TJP2: variants seen among roughly 807,000 people sequenced by gnomAD.
TJP2 encodes the protein Friedreich ataxia region gene X104 (tight junction protein ZO-2).
TJP2 carries 91 observed loss-of-function variants against 133.1 expected under a neutral mutation model. The ratio of observed to expected loss-of-function variants is 0.68; its 90% CI spans 0.58 to 0.81. The LOEUF (loss-of-function observed/expected upper bound fraction) is 0.81, where lower values mean the gene tolerates loss of function less well. Among genes scored for constraint, TJP2 ranks in the 40% least tolerant of loss-of-function variants. The probability of loss-of-function intolerance (pLI) is 0.00; values close to 1 mark genes in which losing one functional copy is unlikely to be tolerated. For missense variants in TJP2, 1,541 were observed against 1,565.6 expected (o/e 0.98, Z 0.26); for synonymous variants, 592 against 583.4 (o/e 1.01, Z -0.21).
At chr9:69,169,374 G>C (rs1824551774), upstream of TJP2, among the ~76,000 whole-genome samples, 1 of 149,322 alleles carries the variant, frequency 6.7e-6, no homozygotes, top group Non-Finnish European at 1.5e-5. Context: ...TTTTTTGGGG[G>C]GGGGATGGAG....
chr9:69,169,698 C>A (rs571124305), upstream of TJP2, among the ~76,000 whole-genome samples: 5 of 152,132 alleles, frequency 3.3e-5, no homozygotes, highest in East Asian at 9.7e-4. Context: ...TCTTTGCTCC[C>A]AGTTGATGAT....
At chr9:69,223,686 A>G (rs1396651274) in intron 5 of TJP2, among the ~76,000 whole-genome samples, 9 of 152,202 alleles carry the variant, frequency 5.9e-5, no homozygotes, top group Admixed American at 5.9e-4. Flanking sequence ...TGTCTCACTC[A>G]GCCTTCTGTT....
In TJP2 at chr9:69,133,187, C is replaced by T. The variant is rs190547467; in HGVS notation, c.-131+11462C>T. Among the ~76,000 whole-genome samples, 417 of 152,266 alleles carry T rather than the reference C, an allele frequency of 2.7e-3. 1 individual carries two copies. Among genetic ancestry groups the T allele is most frequent in the African/African-American group, 8.2e-3 (341 of 41,540 alleles). On this transcript the variant is annotated intron_variant, in intron 1 of 5. Coordinates refer to the TJP2 transcript ENST00000423935. The stretch of plus-strand genomic sequence containing the variant: ...ATATTGCCCAGCCTGGTCTCGAACG[C>T]TTGAGCTCAAGCAACCCTCCTGCCT...
At position 69,233,179 on chromosome 9, in the gene TJP2, A is replaced by G. The variant is rs28450788; in HGVS notation, c.1672-1260A>G. Among the ~76,000 whole-genome samples, 1,449 of 152,324 alleles carry G rather than the reference A, an allele frequency of 9.5e-3. 29 individuals carry two copies. Among genetic ancestry groups the G allele is most frequent in the African/African-American group, 0.029 (1,221 of 41,574 alleles). ...CTGTTTCAAAGGAAAAATTAACTCA[A>G]TTGCTTTAGCACATCACTTTATTTT... is the stretch of plus-strand genomic sequence containing the variant. On this transcript the variant is annotated intron_variant, in intron 11 of 22. Transcript: ENST00000377245.
chr9:69,234,327 C>A, intron 11 of TJP2, 112 bp from the exon 12 acceptor site: 1 of 908,120 alleles, frequency 1.1e-6, no homozygotes, highest in Non-Finnish European at 1.6e-6. Flanking sequence ...CTGATGAAAA[C>A]AAACAAAAGG....
chr9:69,138,361 A>G (rs980390446), intron 1 of TJP2, among the ~76,000 whole-genome samples: 10 of 152,042 alleles, frequency 6.6e-5, no homozygotes, highest in African/African-American at 2.2e-4. Context: ...CTGGTTTGCT[A>G]TAAAGTATAT....
At chr9:69,166,120 TA>T (rs1824340287) in intron 2 of TJP2, among the ~76,000 whole-genome samples, 1 of 26,972 alleles carries the variant, frequency 3.7e-5, no homozygotes, top group African/African-American at 9.7e-5. Context: ...AATTCTTTTT[TA>T]TTTTTTTTTG....
intron 2 of TJP2, among the ~76,000 whole-genome samples, chr9:69,166,153 C>G (rs1455344860): frequency 6.6e-6 from 1 of 152,152 alleles, no homozygotes. Flanking sequence ...TGCTCTGGCA[C>G]CCAGGCTGGA....
At chr9:69,154,425 A>C (rs1416255273) in intron 2 of TJP2, among the ~76,000 whole-genome samples, 1 of 152,268 alleles carries the variant, frequency 6.6e-6, no homozygotes, top group South Asian at 2.1e-4. Context: ...GCCATTCTGG[A>C]GTCTCTCCTC....
chr9:69,185,603 A>T (rs996945696), intron 1 of TJP2, among the ~76,000 whole-genome samples: 2 of 152,226 alleles, frequency 1.3e-5, no homozygotes, highest in Admixed American at 1.3e-4. Flanking sequence ...GCTTTAATGT[A>T]TAATTTTATG....
chr9:69,195,617 A>G (rs1826501878), intron 1 of TJP2, among the ~76,000 whole-genome samples: 1 of 152,222 alleles, frequency 6.6e-6, no homozygotes, highest in Non-Finnish European at 1.5e-5. Flanking sequence ...GGCAATAGCC[A>G]TAAAATACTT....
chr9:69,243,079 G>A (rs1293988310), intron 17 of TJP2, among the ~76,000 whole-genome samples: 1 of 152,062 alleles, frequency 6.6e-6, no homozygotes, highest in East Asian at 1.9e-4. Flanking sequence ...GCCCAAGCTG[G>A]TCTCAAACCC....
chr9:69,212,792 G>A (rs1220754011), intron 2 of TJP2, among the ~76,000 whole-genome samples, 191 bp downstream of exon 2: 2 of 151,898 alleles, frequency 1.3e-5, no homozygotes, highest in Non-Finnish European at 2.9e-5. Context: ...TTTTGATTAA[G>A]GACTGTTTAG....
At chr9:69,209,613 G>A (rs1827707683) in intron 1 of TJP2, among the ~76,000 whole-genome samples, 3 of 151,700 alleles carry the variant, frequency 2.0e-5, no homozygotes, top group Non-Finnish European at 2.9e-5. Flanking sequence ...AATTAGCTGG[G>A]TGTGGTGGCG....
At chr9:69,216,503 A>C in intron 3 of TJP2, 40 bp downstream of exon 3, 1 of 1,612,370 alleles carries the variant, frequency 6.2e-7, no homozygotes, top group Non-Finnish European at 8.5e-7. Flanking sequence ...TACCAGCCCT[A>C]CTGGTTGGCC....
chr9:69,193,434 CAT>C (rs1224358559), intron 1 of TJP2, among the ~76,000 whole-genome samples: 2 of 150,650 alleles, frequency 1.3e-5, no homozygotes, highest in Admixed American at 1.3e-4. Flanking sequence ...TTTGAAATCA[CAT>C]ATAATTTCTG....
chr9:69,174,177 C>A, upstream of TJP2: 1 of 1,304,406 alleles, frequency 7.7e-7, no homozygotes, highest in Non-Finnish European at 9.7e-7. Flanking sequence ...GGAGGCGCCA[C>A]GCTCGGGTCG....
At chr9:69,167,735 G>A (rs1824432449) in intron 2 of TJP2, among the ~76,000 whole-genome samples, 1 of 152,096 alleles carries the variant, frequency 6.6e-6, no homozygotes, top group Non-Finnish European at 1.5e-5. Context: ...GGGCATGGTG[G>A]CACATGCCTG....
intron 1 of TJP2, among the ~76,000 whole-genome samples, chr9:69,202,698 G>C (rs1024591565): frequency 6.6e-6 from 1 of 152,164 alleles, no homozygotes; most frequent in African/African-American, 2.4e-5. Context: ...TTGTCTTCAT[G>C]TTGAGTAGGC....
Sources: allele counts gnomAD v4.1 joint callset (sites outside exome capture counted in the v4.1 genomes callset), GRCh38; gene constraint gnomAD v4.1.1; transcripts MANE v1.5; gene names NCBI Gene and HGNC (gene_info 2026-07-23, HGNC 2026-07-21).